The following ITPRID1 variants were observed in gnomAD, a reference collection of about 807,000 sequenced individuals.
The protein encoded by ITPRID1 is ITPR interacting domain containing 1.
A neutral mutation model predicts 95.4 loss-of-function variants in ITPRID1; 96 were observed. That is an observed-to-expected ratio of 1.01 (90% CI 0.85 to 1.19). The LOEUF (loss-of-function observed/expected upper bound fraction) is 1.19, where lower values mean the gene tolerates loss of function less well. ITPRID1 is among the 50% of genes most tolerant of loss of function. The pLI, the probability that ITPRID1 is intolerant of heterozygous loss-of-function variation, is 0.00. For missense variants in ITPRID1, 1,339 were observed against 1,252.9 expected, an observed-to-expected ratio of 1.07 and a Z score of -1.04; for synonymous variants, 510 against 453.6, an observed-to-expected ratio of 1.12 and a Z score of -1.58.
intron 10 of ITPRID1, among the ~76,000 whole-genome samples, chr7:31,612,285 A>G (rs751023669): frequency 6.6e-6 from 1 of 152,106 alleles, no homozygotes. Context: ...ACAATATATA[A>G]TAACTAATTT....
At position 31,651,283 on chromosome 7, in the gene ITPRID1, G is replaced by A. The variant is rs549414194; in HGVS notation, c.2711+14G>A. The A allele has an allele frequency of 6.2e-7, 1 of 1,611,430 alleles. No homozygotes were observed. Among genetic ancestry groups the A allele is most frequent in the African/African-American group, 1.3e-5 (1 of 74,904 alleles). On this transcript the variant is annotated intron_variant, in intron 13 of 14. Transcript: ENST00000615280. ...AGAGGAGGAAAGGTAATTACCTAAG[G>A]GAGCCATAAAAGTAAGTACCAGCCC...
At chr7:31,619,973 C>A (rs968711933) in intron 10 of ITPRID1, among the ~76,000 whole-genome samples, 4 of 152,180 alleles carry the variant, frequency 2.6e-5, no homozygotes, top group African/African-American at 7.2e-5. Context: ...CCTGGCTTGG[C>A]GGGTCCTACG....
intron 5 of ITPRID1, chr7:31,555,163 G>A (rs1784407541): frequency 3.1e-6 from 1 of 326,698 alleles, no homozygotes; most frequent in South Asian, 9.7e-5. Flanking sequence ...AACTCACTGG[G>A]TTCTATGAAG....
rs535211623 is a variant in ITPRID1 at position 31,616,049 on chromosome 7, A to T, written c.1229-26127A>T. ...TGAGCCACCGCACCCAGCCGAGTTTACTGAGAATTCTAATTCCGTTTTCTG... is the reference window on the plus strand; with the variant it reads ...TGAGCCACCGCACCCAGCCGAGTTTTCTGAGAATTCTAATTCCGTTTTCTG... On this transcript the variant is annotated intron_variant, in intron 10 of 14. Transcript: ENST00000615280. Among the ~76,000 whole-genome samples the T allele has an allele frequency of 5.9e-5, 9 of 152,220 alleles. No homozygotes were observed. In the South Asian group the frequency reaches 1.9e-3, roughly 32 times the overall value.
intron 1 of ITPRID1, among the ~76,000 whole-genome samples, chr7:31,544,846 A>G (rs917360250): frequency 3.3e-5 from 5 of 152,174 alleles, no homozygotes; most frequent in Non-Finnish European, 7.4e-5. Flanking sequence ...AGACTACAAA[A>G]AAAAGTAAGT....
Position 31,624,120 on chromosome 7 carries a change from G to A in ITPRID1, c.1229-18056G>A, listed in dbSNP as rs36143992. The stretch of plus-strand genomic sequence containing the variant: ...CAAACCACTGCTCAATGAAATAAAA[G>A]AGGATACAAACAAATGGAAGAACAT... On this transcript the variant is annotated intron_variant, in intron 10 of 14. Transcript: ENST00000615280. 1.9e-3 allele frequency among the ~76,000 whole-genome samples: 285 copies of A among 148,550 alleles called. 1 individual carries two copies. The highest frequency in any genetic ancestry group is 3.2e-3 in the Non-Finnish European group (216 of 66,964).
chr7:31,534,884 A>G (rs1783710802), intron 1 of ITPRID1, among the ~76,000 whole-genome samples: 1 of 152,034 alleles, frequency 6.6e-6, no homozygotes, highest in Non-Finnish European at 1.5e-5. Flanking sequence ...ATAATTTTAA[A>G]TTACATTTTA....
downstream of ITPRID1, among the ~76,000 whole-genome samples, chr7:31,656,912 G>C (rs574730240): frequency 2.8e-4 from 43 of 151,406 alleles, no homozygotes; most frequent in Non-Finnish European, 5.6e-4. Flanking sequence ...GACCTTTGCT[G>C]TCTTCAGTGC....
chr7:31,596,837 T>C (rs1786108743), intron 10 of ITPRID1, among the ~76,000 whole-genome samples: 1 of 151,752 alleles, frequency 6.6e-6, no homozygotes, highest in South Asian at 2.1e-4. Flanking sequence ...GTTTTTACTA[T>C]CTAAAATTGA....
intron 10 of ITPRID1, among the ~76,000 whole-genome samples, chr7:31,610,277 G>A (rs1288715530): frequency 1.3e-5 from 2 of 151,388 alleles, no homozygotes; most frequent in African/African-American, 2.4e-5. Flanking sequence ...TTTAGGTGGT[G>A]TCTTTTACAG....
Position 31,551,606 on chromosome 7 carries a change from T to C in ITPRID1, c.-23-1396T>C, listed in dbSNP as rs1784287419. ...ATAATTATTGATTTTTGTAGTAATT[T>C]AAAATTGCAACAATAAATGTATATA... is the stretch of plus-strand genomic sequence containing the variant. On this transcript the variant is annotated intron_variant, in intron 2 of 14. Transcript: ENST00000615280. 1.4e-5 allele frequency among the ~76,000 whole-genome samples: 2 copies of C among 143,884 alleles called. 1 individual carries two copies. The highest frequency in any genetic ancestry group is 3.1e-5 in the Non-Finnish European group (2 of 63,830). 94.4% of individuals were successfully genotyped at this position (143,884 alleles called of 152,430 possible). A position where few individuals can be genotyped will look rare whatever the true frequency, so the allele number is the denominator to read the frequency against.
intron 10 of ITPRID1, among the ~76,000 whole-genome samples, chr7:31,599,862 A>C (rs1370399106): frequency 1.3e-5 from 2 of 151,474 alleles, no homozygotes; most frequent in Non-Finnish European, 2.9e-5. Context: ...CGCCCGGCTA[A>C]GTTTTTTTTG....
At chr7:31,631,724 T>A (rs1407791250) in intron 10 of ITPRID1, among the ~76,000 whole-genome samples, 1 of 152,188 alleles carries the variant, frequency 6.6e-6, no homozygotes, top group African/African-American at 2.4e-5. Context: ...CTGTAAGACC[T>A]TGAAACCAAA....
At chr7:31,658,430 G>A (rs767165811), downstream of ITPRID1, 39 of 1,442,440 alleles carry the variant, frequency 2.7e-5, no homozygotes, top group South Asian at 1.8e-4. Context: ...AGTTTCCAGA[G>A]TATAACACAT....
chr7:31,588,631 C>CAAAA (rs57245935), intron 10 of ITPRID1, among the ~76,000 whole-genome samples: 1 of 42,566 alleles, frequency 2.3e-5, no homozygotes, highest in Non-Finnish European at 4.1e-5. Context: ...TACTCTGTCT[C>CAAAA]AAAAAAAAAA....
intron 1 of ITPRID1, among the ~76,000 whole-genome samples, chr7:31,539,758 C>G (rs1378690900): frequency 1.3e-5 from 2 of 152,078 alleles, no homozygotes; most frequent in South Asian, 4.1e-4. Context: ...CAGGATGAGA[C>G]AGCTTAATCA....
chr7:31,644,117 A>G (rs1232258993), intron 12 of ITPRID1, among the ~76,000 whole-genome samples, 164 bp downstream of exon 12: 1 of 152,248 alleles, frequency 6.6e-6, no homozygotes, highest in African/African-American at 2.4e-5. Context: ...ATGATATAGT[A>G]TCACACATTT....
At chr7:31,585,090 T>A (rs1293368478) in intron 10 of ITPRID1, among the ~76,000 whole-genome samples, 1 of 152,234 alleles carries the variant, frequency 6.6e-6, no homozygotes, top group Non-Finnish European at 1.5e-5. Context: ...CTTTGATGTC[T>A]GGCCCAAACG....
At chr7:31,567,838 C>T (rs1784852897) in intron 5 of ITPRID1, among the ~76,000 whole-genome samples, 1 of 152,102 alleles carries the variant, frequency 6.6e-6, no homozygotes, top group South Asian at 2.1e-4. Context: ...GTTAAGAATC[C>T]ACTATTGCCA....
Sources: gnomAD v4.1 joint callset for allele counts (sites outside exome capture counted in the v4.1 genomes callset) on GRCh38, gnomAD v4.1.1 for gene constraint, MANE v1.5 for transcripts, NCBI Gene and HGNC (gene_info 2026-07-23, HGNC 2026-07-21) for gene names.